COPG2: variants seen among roughly 807,000 people sequenced by gnomAD.
COPG2 encodes the protein coatomer subunit gamma-2.
COPG2 carries 37 observed loss-of-function variants against 46.3 expected under a neutral mutation model. The ratio of observed to expected loss-of-function variants is 0.80; its 90% CI spans 0.61 to 1.05. The LOEUF is 1.05. Among genes scored for constraint, COPG2 ranks in the 50% least tolerant of loss-of-function variants. COPG2 has a pLI of 0.00. For synonymous variants in COPG2, 159 were observed against 129.7 expected, an observed-to-expected ratio of 1.23 and a Z score of -1.53; for missense variants, 427 against 387.8, an observed-to-expected ratio of 1.10 and a Z score of -0.85.
intron 5 of COPG2, among the ~76,000 whole-genome samples, chr7:130,640,653 T>C (rs1795447165): frequency 6.6e-6 from 1 of 152,192 alleles, no homozygotes; most frequent in Non-Finnish European, 1.5e-5. Context: ...AAATAAGTGT[T>C]AATCCAAATA....
intron 20 of COPG2, among the ~76,000 whole-genome samples, chr7:130,524,806 G>C (rs1799758816): frequency 6.6e-6 from 1 of 152,190 alleles, no homozygotes; most frequent in South Asian, 2.1e-4. Context: ...ACGTGTCAAT[G>C]AAGGGTGTGG....
chr7:130,616,364 A>G (rs1374677412), intron 6 of COPG2, among the ~76,000 whole-genome samples: 1 of 152,154 alleles, frequency 6.6e-6, no homozygotes, highest in Non-Finnish European at 1.5e-5. Flanking sequence ...CATGGCGATG[A>G]TTATTCTGAA....
At chr7:130,624,371 A>C (rs1243554823) in intron 5 of COPG2, among the ~76,000 whole-genome samples, 2 of 152,048 alleles carry the variant, frequency 1.3e-5, no homozygotes, top group African/African-American at 4.8e-5. Context: ...GGTTCTATCT[A>C]CTATTATGTC....
intron 5 of COPG2, among the ~76,000 whole-genome samples, chr7:130,640,465 C>A (rs1554457045): frequency 6.6e-6 from 1 of 151,604 alleles, no homozygotes. Flanking sequence ...TATTTGTAAT[C>A]ACTGGGAAAG....
intron 9 of COPG2, among the ~76,000 whole-genome samples, chr7:130,582,335 C>G (rs1794167844): frequency 6.8e-6 from 1 of 146,640 alleles, no homozygotes; most frequent in Admixed American, 6.8e-5. Flanking sequence ...ACACCTTATA[C>G]AAAAATCAAT....
intron 9 of COPG2, among the ~76,000 whole-genome samples, chr7:130,570,374 G>T (rs1316026989): frequency 1.3e-5 from 2 of 152,114 alleles, no homozygotes; most frequent in African/African-American, 4.8e-5. Context: ...CAAAATCAAT[G>T]TACACAAATC....
intron 20 of COPG2, among the ~76,000 whole-genome samples, chr7:130,524,502 T>C (rs1799755932): frequency 6.6e-6 from 1 of 151,950 alleles, no homozygotes; most frequent in Non-Finnish European, 1.5e-5. Flanking sequence ...TGTTCCCTAA[T>C]GGGCAAGAAG....
At chr7:130,641,175 C>CAAAA (rs34617870) in intron 5 of COPG2, among the ~76,000 whole-genome samples, 31 of 87,830 alleles carry the variant, frequency 3.5e-4, no homozygotes, top group Non-Finnish European at 4.8e-4. Context: ...CCCTACCTCT[C>CAAAA]AAAAAAAAAA....
chr7:130,661,051 C>T (rs1178682379), intron 4 of COPG2, among the ~76,000 whole-genome samples: 1 of 152,200 alleles, frequency 6.6e-6, no homozygotes, highest in Non-Finnish European at 1.5e-5. Flanking sequence ...TGGAGAAAAA[C>T]ATTCACCATG....
At chr7:130,526,721 C>G (rs1799777687) in intron 20 of COPG2, among the ~76,000 whole-genome samples, 2 of 151,102 alleles carry the variant, frequency 1.3e-5, no homozygotes, top group South Asian at 4.2e-4. Flanking sequence ...GAGGGGTGGA[C>G]AGCAATGGGC....
In COPG2 at chr7:130,508,806, CTA is replaced by C. The variant is rs1554440594; in HGVS notation, c.2150-149_2150-148del. 5 of 616,978 alleles carry C rather than the reference CTA, an allele frequency of 8.1e-6. No individual in the cohort carries two copies. The African/African-American group carries it at 9.2e-5, about 11-fold the overall frequency. 38.2% of individuals were successfully genotyped at this position (616,978 alleles called of 1,614,324 possible). On this transcript the variant is annotated intron_variant, in intron 20 of 23. Coordinates refer to ENST00000425248, the MANE Select transcript of COPG2 (RefSeq NM_012133.6). ...TGGGGTAGTGGTTCTCAAAAGCAGC[CTA>C]CAAGCGGGTCAGGAAGGCAGTCTCA...
chr7:130,583,666 A>T (rs1554447559), intron 9 of COPG2, among the ~76,000 whole-genome samples: 1 of 150,494 alleles, frequency 6.6e-6, no homozygotes, highest in Non-Finnish European at 1.5e-5. Flanking sequence ...TTAGCCAGGC[A>T]TGGTGGCGCA....
chr7:130,661,780 T>C (rs1554460821), intron 4 of COPG2, among the ~76,000 whole-genome samples: 1 of 152,188 alleles, frequency 6.6e-6, no homozygotes, highest in African/African-American at 2.4e-5. Context: ...CTAGGTACAC[T>C]GGATAATTCT....
chr7:130,610,778 G>A, intron 9 of COPG2, 175 bp downstream of exon 9: 4 of 708,862 alleles, frequency 5.6e-6, no homozygotes, highest in Non-Finnish European at 1.0e-5. Flanking sequence ...AGAGCATACA[G>A]TAAGGTTAAA....
intron 9 of COPG2, among the ~76,000 whole-genome samples, chr7:130,609,449 C>T (rs1007799321): frequency 2.6e-5 from 4 of 152,184 alleles, no homozygotes; most frequent in Non-Finnish European, 4.4e-5. Flanking sequence ...TTGCCTTCCA[C>T]CATGATTGTG....
chr7:130,607,362 T>A, intron 9 of COPG2: 3 of 387,134 alleles, frequency 7.7e-6, no homozygotes, highest in South Asian at 6.1e-5. Flanking sequence ...TCAGGGTTAG[T>A]TTCTATTGAT....
intron 1 of COPG2, among the ~76,000 whole-genome samples, chr7:130,668,008 A>C (rs1360376246): frequency 6.6e-6 from 1 of 152,134 alleles, no homozygotes; most frequent in African/African-American, 2.4e-5. Context: ...AGATGCTACC[A>C]AACACTGAGA....
In COPG2 at chr7:130,514,841, G is replaced by A. The variant is rs1021556915; in HGVS notation, c.2150-6182C>T. Reference sequence around the variant, plus strand: ...GCGTGGTAATAAGAAAGACCACAGCGCCATAAAGATGCCTGGAGAATCCTG... The same window carrying A: ...GCGTGGTAATAAGAAAGACCACAGCACCATAAAGATGCCTGGAGAATCCTG... On this transcript the variant is annotated intron_variant, in intron 20 of 23. Coordinates refer to ENST00000425248, the MANE Select transcript of COPG2 (RefSeq NM_012133.6). Among the ~76,000 whole-genome samples the A allele has an allele frequency of 5.8e-4, 89 of 152,276 alleles. 1 individual carries two copies. The highest frequency in any genetic ancestry group is 1.5e-3 in the African/African-American group (64 of 41,568).
chr7:130,514,046 A>G (rs1484112010), intron 20 of COPG2, among the ~76,000 whole-genome samples: 2 of 152,252 alleles, frequency 1.3e-5, no homozygotes, highest in African/African-American at 4.8e-5. Flanking sequence ...TGTTTCCCAG[A>G]ATGGGAAATC....
Sources: gnomAD v4.1 joint callset for allele counts (sites outside exome capture counted in the v4.1 genomes callset) on GRCh38, gnomAD v4.1.1 for gene constraint, MANE v1.5 for transcripts, NCBI Gene and HGNC (gene_info 2026-07-23, HGNC 2026-07-21) for gene names.